The following CD34 variants were observed in gnomAD, a reference collection of about 807,000 sequenced individuals.
CD34 encodes the protein hematopoietic progenitor cell antigen CD34.
Under a neutral mutation model 40.1 loss-of-function variants are expected in CD34, and 34 were observed. That is an observed-to-expected ratio of 0.85 (90% confidence interval 0.65 to 1.13). CD34 has a LOEUF of 1.13. CD34 is among the 50% of genes most tolerant of loss of function. The pLI, the probability that CD34 is intolerant of heterozygous loss-of-function variation, is 0.00. For missense variants in CD34, 426 were observed against 466.9 expected, an observed-to-expected ratio of 0.91 and a Z score of 0.81; for synonymous variants, 209 against 190.0, an observed-to-expected ratio of 1.10 and a Z score of -0.82.
chr1:207,909,413 TG>T (rs1198008857), intron 1 of CD34, among the ~76,000 whole-genome samples: 12 of 152,096 alleles, frequency 7.9e-5, no homozygotes, highest in Non-Finnish European at 1.5e-5. Flanking sequence ...GTTTTTTGTT[TG>T]TTTGTTTGTT....
In CD34 at chr1:207,881,968, G is replaced by A. The variant is rs1413039210; in HGVS notation, c.*5770C>T. ...ATTTTTAAGAGTGTAAGAGGGCTTT[G>A]AGAATAGCTGGTGTAGAACCTGCCT... On this transcript the variant is annotated 3_prime_UTR_variant, in exon 8 of 8. Transcript: ENST00000310833. 1 of 152,110 alleles carries A rather than the reference G, an allele frequency of 6.6e-6. No individual in the cohort carries two copies. Among genetic ancestry groups the A allele is most frequent in the African/African-American group, 2.4e-5 (1 of 41,404 alleles). The allele number at this position is 152,110 out of a possible 1,614,324, so 9.4% of individuals were successfully genotyped here.
Position 207,899,155 on chromosome 1 carries a change from A to T in CD34, c.334T>A (p.Ser112Thr). 1 of 1,614,192 alleles carries T rather than the reference A, an allele frequency of 6.2e-7. No homozygotes were observed. The highest frequency in any genetic ancestry group is 8.5e-7 in the Non-Finnish European group (1 of 1,179,984). The change falls in exon 3 of 8, where the codon TCA (serine) becomes ACA (threonine). Residue 112 changes from serine (S) to threonine (T), a missense_variant. By Grantham distance (58) the Ser-to-Thr change is moderately conservative. Coordinates refer to ENST00000310833, the MANE Select transcript of CD34 (RefSeq NM_001025109.2). ...VYGNTNSSVQSQTSVISTVFT... is the reference protein window; with the variant it reads ...VYGNTNSSVQTQTSVISTVFT... ...ACTGTGCTGATTACAGAGGTCTGTGACTGGACAGAAGAGTTTGTGTTTCCA... is the reference window on the plus strand; with the variant it reads ...ACTGTGCTGATTACAGAGGTCTGTGTCTGGACAGAAGAGTTTGTGTTTCCA...
At chr1:207,891,549 G>A (rs190862954) in intron 4 of CD34, among the ~76,000 whole-genome samples, 130 of 151,964 alleles carry the variant, frequency 8.6e-4, no homozygotes, top group Non-Finnish European at 1.6e-3. Context: ...CGGGTGTGGT[G>A]GCATGCACTT....
intron 1 of CD34, among the ~76,000 whole-genome samples, chr1:207,903,782 A>G: frequency 6.6e-6 from 1 of 152,246 alleles, no homozygotes; most frequent in East Asian, 1.9e-4. Context: ...ATTAGAAGCA[A>G]ATAATAAGGA....
At chr1:207,905,770 C>T (rs572711311) in intron 1 of CD34, among the ~76,000 whole-genome samples, 3 of 152,310 alleles carry the variant, frequency 2.0e-5, no homozygotes, top group African/African-American at 7.2e-5. Flanking sequence ...ACACAGTCAA[C>T]ACTTTGTTTC....
intron 7 of CD34, 117 bp from the exon 8 acceptor site, chr1:207,888,040 T>TTGGG: frequency 2.6e-6 from 2 of 761,354 alleles, no homozygotes; most frequent in Non-Finnish European, 3.9e-6. Flanking sequence ...GAGGGGGAGG[T>TTGGG]GGGAGGAAGG....
Position 207,910,987 on chromosome 1 carries a change from G to T in CD34, c.79+15C>A. 2 of 1,568,818 alleles carry T rather than the reference G, an allele frequency of 1.3e-6. No homozygotes were observed. Among genetic ancestry groups the T allele is most frequent in the Admixed American group, 1.8e-5 (1 of 54,208 alleles). On this transcript the variant is annotated intron_variant, in intron 1 of 7. Coordinates refer to ENST00000310833, the MANE Select transcript of CD34 (RefSeq NM_001025109.2). ...CGGCGAAGCCAAGCGGCCGCGGCGC[G>T]CGGGCGGTACTCACGCAGCAAACTC...
At position 207,899,245 on chromosome 1, in the gene CD34, T is replaced by G; in HGVS notation, c.263-19A>C. 6.2e-7 allele frequency: 1 copy of G among 1,612,602 alleles called. No homozygotes were observed. Among genetic ancestry groups the G allele is most frequent in the Non-Finnish European group, 8.5e-7 (1 of 1,178,994 alleles). On this transcript the variant is annotated intron_variant, in intron 2 of 7. Coordinates refer to ENST00000310833, the MANE Select transcript of CD34 (RefSeq NM_001025109.2). ...GTCGTTTCTGGAAGAGACCAAAACATGGGTGTGCATGTGTGCATGTGCTCA... is the reference window on the plus strand; with the variant it reads ...GTCGTTTCTGGAAGAGACCAAAACAGGGGTGTGCATGTGTGCATGTGCTCA...
rs374086641 is a variant in CD34 at position 207,892,585 on chromosome 1, C to T, written c.598-2964G>A. 1.2e-3 allele frequency among the ~76,000 whole-genome samples: 165 copies of T among 135,318 alleles called. 1 individual carries two copies. Among genetic ancestry groups the T allele is most frequent in the Middle Eastern group, 7.4e-3 (2 of 270 alleles). The allele number at this position is 135,318 out of a possible 152,430, so 88.8% of individuals were successfully genotyped here. A position where few individuals can be genotyped will look rare whatever the true frequency, so the allele number is the denominator to read the frequency against. On this transcript the variant is annotated intron_variant, in intron 4 of 7. Transcript: ENST00000310833. ...TGGGCAACAGAGCAAGACTCTGTCT[C>T]AAAAAAAAAAAAGTGTCCAATGTGG...
In CD34 at chr1:207,883,923, C is replaced by G. The variant is rs1661851867; in HGVS notation, c.*3815G>C. 6.6e-6 allele frequency: 1 copy of G among 152,162 alleles called. No homozygotes were observed. The highest frequency in any genetic ancestry group is 2.1e-4 in the South Asian group (1 of 4,832). 9.4% of individuals were successfully genotyped at this position (152,162 alleles called of 1,614,324 possible). On this transcript the variant is annotated 3_prime_UTR_variant, in exon 8 of 8. Coordinates refer to ENST00000310833, the MANE Select transcript of CD34 (RefSeq NM_001025109.2). ...TATCCCTCAACCTCTATTCTCTACT[C>G]AGCAGCCAGCATGATCCTTTTAAAA...
intron 1 of CD34, among the ~76,000 whole-genome samples, chr1:207,907,927 T>C (rs527373899): frequency 2.0e-4 from 30 of 152,308 alleles, no homozygotes; most frequent in Admixed American, 1.7e-3. Flanking sequence ...TTATTTTTAA[T>C]TCTCCACACT....
At chr1:207,898,940 G>T in intron 3 of CD34, 33 bp downstream of exon 3, 4 of 1,611,198 alleles carry the variant, frequency 2.5e-6, no homozygotes, top group Non-Finnish European at 3.4e-6. Context: ...TGAAGTGAGG[G>T]GCAATCTGCC....
At chr1:207,910,973 A>AGCGGCC in intron 1 of CD34, 29 bp downstream of exon 1, 1 of 1,554,924 alleles carries the variant, frequency 6.4e-7, no homozygotes, top group Non-Finnish European at 8.7e-7. Flanking sequence ...GGCGAAGCCA[A>AGCGGCC]GCGGCCGCGG....
intron 1 of CD34, among the ~76,000 whole-genome samples, chr1:207,909,962 A>C (rs968824431): frequency 2.6e-5 from 4 of 152,236 alleles, no homozygotes; most frequent in Non-Finnish European, 2.9e-5. Context: ...GGCCCTTAGG[A>C]TGTAGTGAGA....
At chr1:207,897,428 G>T in intron 4 of CD34, 65 bp downstream of exon 4, 1 of 1,203,268 alleles carries the variant, frequency 8.3e-7, no homozygotes, top group South Asian at 1.3e-5. Flanking sequence ...GTTTAAGGGT[G>T]TTCAGAAGGG....
At chr1:207,888,369 A>G (rs1382464251) in intron 7 of CD34, among the ~76,000 whole-genome samples, 1 of 152,234 alleles carries the variant, frequency 6.6e-6, no homozygotes, top group Non-Finnish European at 1.5e-5. Context: ...TTGCAAATAC[A>G]GTGTGGCTGA....
At chr1:207,899,788 C>A (rs1272881742) in intron 2 of CD34, 33 bp downstream of exon 2, 1 of 1,576,078 alleles carries the variant, frequency 6.3e-7, no homozygotes, top group African/African-American at 1.4e-5. Flanking sequence ...TCACCAGCAT[C>A]TCTCCGGGAT....
chr1:207,906,504 G>A lies in CD34; in HGVS notation c.79+4498C>T, dbSNP rs550550246. 2.8e-4 allele frequency among the ~76,000 whole-genome samples: 43 copies of A among 152,284 alleles called. 1 individual carries two copies. The highest frequency in any genetic ancestry group is 2.5e-3 in the South Asian group (12 of 4,824). ...GTGAGTATATATAAACCAAGGGTCT[G>A]TGGCCTGAGGGTTCCCAGTGTACCG... On this transcript the variant is annotated intron_variant, in intron 1 of 7. Transcript: ENST00000310833.
chr1:207,890,213 C>G (rs1373023824), intron 4 of CD34: 1 of 1,002,246 alleles, frequency 1.0e-6, no homozygotes, highest in Non-Finnish European at 1.2e-6. Context: ...TAATGAAGTT[C>G]ATAGATTTTT....
Sources: gnomAD v4.1 joint callset for allele counts (sites outside exome capture counted in the v4.1 genomes callset) on GRCh38, gnomAD v4.1.1 for gene constraint, MANE v1.5 for transcripts, NCBI Gene and HGNC (gene_info 2026-07-23, HGNC 2026-07-21) for gene names.